The following HECW1 variants were observed in gnomAD, a reference collection of about 807,000 sequenced individuals.
HECW1 encodes E3 ubiquitin-protein ligase HECW1.
Under a neutral mutation model 182.3 loss-of-function variants are expected in HECW1, and 61 were observed. The observed-to-expected ratio is 0.33, with a 90% CI of 0.27 to 0.41. The LOEUF is 0.41. HECW1 is among the 10% of genes least tolerant of loss of function. The probability of loss-of-function intolerance (pLI) is 1.00; values close to 1 mark genes in which losing one functional copy is unlikely to be tolerated. For missense variants in HECW1, 1,739 were observed against 2,108.9 expected (o/e 0.82, Z 3.44); for synonymous variants, 859 against 832.6 (o/e 1.03, Z -0.55).
chr7:43,293,546 A>G (rs1353399117), intron 3 of HECW1, among the ~76,000 whole-genome samples: 1 of 152,162 alleles, frequency 6.6e-6, no homozygotes, highest in Non-Finnish European at 1.5e-5. Flanking sequence ...AGTCGGCATG[A>G]AACAACCTTA....
intron 24 of HECW1, among the ~76,000 whole-genome samples, chr7:43,540,613 G>T (rs1004863535): frequency 1.3e-5 from 2 of 152,180 alleles, no homozygotes; most frequent in African/African-American, 4.8e-5. Flanking sequence ...CAATTTTAAA[G>T]AGTGATGTTC....
At chr7:43,263,640 T>A (rs1464532131) in intron 3 of HECW1, among the ~76,000 whole-genome samples, 1 of 151,980 alleles carries the variant, frequency 6.6e-6, no homozygotes, top group Non-Finnish European at 1.5e-5. Flanking sequence ...ATTACAGGCA[T>A]AAGCCACTGC....
chr7:43,483,159 G>A (rs1051474698), intron 17 of HECW1, among the ~76,000 whole-genome samples: 2 of 152,064 alleles, frequency 1.3e-5, no homozygotes, highest in Non-Finnish European at 2.9e-5. Flanking sequence ...CTTTTTTAAG[G>A]GACCACTGAA....
intron 17 of HECW1, among the ~76,000 whole-genome samples, chr7:43,490,391 G>A (rs1362320962): frequency 6.6e-6 from 1 of 152,132 alleles, no homozygotes; most frequent in African/African-American, 2.4e-5. Flanking sequence ...ACCATTCTTT[G>A]ATCAATTAAA....
Position 43,340,313 on chromosome 7 carries a change from C to T in HECW1, c.460+19571C>T, listed in dbSNP as rs939861558. 2.8e-4 allele frequency among the ~76,000 whole-genome samples: 41 copies of T among 146,312 alleles called. 1 individual carries two copies. The highest frequency in any genetic ancestry group is 8.0e-4 in the African/African-American group (30 of 37,706). On this transcript the variant is annotated intron_variant, in intron 5 of 29. Transcript: ENST00000395891. Reference sequence around the variant, plus strand: ...TCAGCTCACTGCAACCGCTGCCTCCCGGGTTCAAGCAATTCTCCTGCTTCA... The same window carrying T: ...TCAGCTCACTGCAACCGCTGCCTCCTGGGTTCAAGCAATTCTCCTGCTTCA...
intron 6 of HECW1, 113 bp from the exon 7 acceptor site, chr7:43,396,701 T>C (rs547206222): frequency 5.7e-6 from 4 of 701,256 alleles, no homozygotes; most frequent in Non-Finnish European, 1.0e-5. Flanking sequence ...GAAATCACTG[T>C]CTTCGTTGCC....
chr7:43,508,892 A>C, intron 23 of HECW1, 77 bp from the exon 24 acceptor site: 1 of 1,503,006 alleles, frequency 6.7e-7, no homozygotes, highest in South Asian at 1.2e-5. Context: ...GAAAGGGCAC[A>C]CTAGAATCTG....
chr7:43,468,788 C>A, intron 15 of HECW1, 132 bp from the exon 16 acceptor site: 2 of 754,860 alleles, frequency 2.6e-6, no homozygotes, highest in Non-Finnish European at 4.3e-6. Flanking sequence ...TTTTCTGAGG[C>A]CTCTACCTCA....
At chr7:43,548,459 G>A (rs2081658314) in intron 26 of HECW1, among the ~76,000 whole-genome samples, 1 of 152,252 alleles carries the variant, frequency 6.6e-6, no homozygotes, top group Admixed American at 6.5e-5. Flanking sequence ...TCAAAAGGGG[G>A]TCACCAAGAA....
chr7:43,248,007 AAG>A (rs138835049), intron 3 of HECW1, among the ~76,000 whole-genome samples: 10 of 118,400 alleles, frequency 8.4e-5, no homozygotes, highest in Admixed American at 1.5e-4. Context: ...GAAGGAAAGA[AAG>A]AGAGAAAGAA....
In HECW1 at chr7:43,360,983, A is replaced by G; in HGVS notation, c.555+3A>G. The G allele has an allele frequency of 6.2e-7, 1 of 1,603,936 alleles. No individual in the cohort carries two copies. The highest frequency in any genetic ancestry group is 8.5e-7 in the Non-Finnish European group (1 of 1,174,200). On this transcript the variant is annotated splice_donor_region_variant and intron_variant, in intron 6 of 29. Transcript: ENST00000395891. ...CGGTCAAAAACTCGGCAGCTCCTGTAAGTCTCATTTCTCCGTCTTTGGTTA... is the reference window on the plus strand; with the variant it reads ...CGGTCAAAAACTCGGCAGCTCCTGTGAGTCTCATTTCTCCGTCTTTGGTTA...
At chr7:43,147,326 A>G (rs1788828570) in intron 2 of HECW1, 1 of 152,156 alleles carries the variant, frequency 6.6e-6, no homozygotes, top group Non-Finnish European at 1.5e-5. Flanking sequence ...CATTTCATCC[A>G]ATTGAAATAG....
chr7:43,487,723 A>G (rs1038174743), intron 17 of HECW1, among the ~76,000 whole-genome samples: 1 of 151,494 alleles, frequency 6.6e-6, no homozygotes, highest in Non-Finnish European at 1.5e-5. Context: ...TTTGGGAGGC[A>G]GGGCAGGAGG....
intron 17 of HECW1, among the ~76,000 whole-genome samples, chr7:43,489,993 T>A (rs908675465): frequency 7.2e-5 from 11 of 152,312 alleles, no homozygotes; most frequent in Admixed American, 3.3e-4. Context: ...TCCTTTTTTT[T>A]AAATCTGGAT....
At chr7:43,295,255 A>G (rs1805894307) in intron 3 of HECW1, among the ~76,000 whole-genome samples, 1 of 152,136 alleles carries the variant, frequency 6.6e-6, no homozygotes, top group Admixed American at 6.6e-5. Flanking sequence ...GGAGGTGTAT[A>G]TCATTTTTAT....
At chr7:43,485,297 G>A (rs947824655) in intron 17 of HECW1, among the ~76,000 whole-genome samples, 2 of 152,152 alleles carry the variant, frequency 1.3e-5, no homozygotes, top group Non-Finnish European at 2.9e-5. Flanking sequence ...TTGCTTTTGG[G>A]GAGAGTAATT....
chr7:43,198,786 A>C, intron 2 of HECW1, among the ~76,000 whole-genome samples: 1 of 151,510 alleles, frequency 6.6e-6, no homozygotes, highest in African/African-American at 2.4e-5. Flanking sequence ...CACACTCCAC[A>C]CTCACGTGCA....
At chr7:43,396,931 T>A (rs762561514) in intron 7 of HECW1, 42 bp downstream of exon 7, 1 of 1,430,100 alleles carries the variant, frequency 7.0e-7, no homozygotes, top group Non-Finnish European at 9.9e-7. Flanking sequence ...AGACTAAGAA[T>A]GTCAACCAAG....
chr7:43,552,393 C>T, intron 28 of HECW1, 57 bp downstream of exon 28: 2 of 1,103,876 alleles, frequency 1.8e-6, no homozygotes, highest in Non-Finnish European at 2.8e-6. Context: ...CAGCACTTTC[C>T]AAAAGATTGT....
Sources: allele counts gnomAD v4.1 joint callset (sites outside exome capture counted in the v4.1 genomes callset), GRCh38; gene constraint gnomAD v4.1.1; transcripts MANE v1.5; gene names NCBI Gene and HGNC (gene_info 2026-07-23, HGNC 2026-07-21).